Variants in SLC28A2 observed in about 807,000 individuals in gnomAD.
SLC28A2 encodes the protein solute carrier family 28 member 2.
Under a neutral mutation model 72.9 loss-of-function variants are expected in SLC28A2, and 69 were observed. The observed-to-expected ratio is 0.95, with a 90% CI of 0.78 to 1.16. The LOEUF (loss-of-function observed/expected upper bound fraction) is 1.16, where lower values mean the gene tolerates loss of function less well. Among genes scored for constraint, SLC28A2 ranks in the 50% most tolerant of loss-of-function variants. The pLI is 0.00. For synonymous variants in SLC28A2, 296 were observed against 294.1 expected (o/e 1.01, Z -0.07); for missense variants, 745 against 791.1 (o/e 0.94, Z 0.70).
At chr15:45,268,123 C>A (rs1900404655) in intron 12 of SLC28A2, 87 bp from the exon 13 acceptor site, 3 of 1,341,160 alleles carry the variant, frequency 2.2e-6, no homozygotes, top group Non-Finnish European at 3.1e-6. Flanking sequence ...CCTCCTCCTG[C>A]ACGATAGGGA....
At chr15:45,265,277 C>T (rs1900297319) in intron 8 of SLC28A2, 111 bp downstream of exon 8, 1 of 792,956 alleles carries the variant, frequency 1.3e-6, no homozygotes, top group Non-Finnish European at 2.3e-6. Context: ...CCAATTTGAC[C>T]CTAACAAGAG....
chr15:45,270,193 A>G lies in SLC28A2; in HGVS notation c.1567-2A>G. The stretch of plus-strand genomic sequence containing the variant: ...TTGCTTATTTATTTTTGTTTTCCCT[A>G]GGTGAGAGCTGAAATCATTACAACA... On this transcript the variant is annotated splice_acceptor_variant, in intron 14 of 17. Coordinates refer to ENST00000347644, the MANE Select transcript of SLC28A2 (RefSeq NM_004212.4). LOFTEE classifies it high-confidence loss of function. 6.2e-7 allele frequency: 1 copy of G among 1,608,672 alleles called. No individual in the cohort carries two copies. Among genetic ancestry groups the G allele is most frequent in the Non-Finnish European group, 8.5e-7 (1 of 1,175,034 alleles).
intron 3 of SLC28A2, chr15:45,255,489 G>A (rs1899949827): frequency 6.6e-6 from 1 of 152,114 alleles, no homozygotes; most frequent in African/African-American, 2.4e-5. Flanking sequence ...AAATGAGCAT[G>A]GCTGTGTTTT....
At position 45,263,149 on chromosome 15, in the gene SLC28A2, C is replaced by T; in HGVS notation, c.351C>T (p.Val117=). 1 of 1,614,004 alleles carries T rather than the reference C, an allele frequency of 6.2e-7. No homozygotes were observed. Among genetic ancestry groups the T allele is most frequent in the Non-Finnish European group, 8.5e-7 (1 of 1,179,932 alleles). ...LFVITCLVIF[V]LVHSFLKKLL... ...TCATCACCTGCTTGGTGATCTTTGTCCTGGTTCACTCGTTTTTGAAAAAGC... is the reference window on the plus strand; with the variant it reads ...TCATCACCTGCTTGGTGATCTTTGTTCTGGTTCACTCGTTTTTGAAAAAGC... The change falls in exon 5 of 18, where the codon GTC becomes GTT. Residue 117 remains valine (V), a synonymous_variant. Transcript: ENST00000347644.
intron 1 of SLC28A2, 87 bp from the exon 2 acceptor site, chr15:45,253,113 C>A: frequency 2.6e-6 from 2 of 774,990 alleles, no homozygotes; most frequent in South Asian, 1.7e-5. Context: ...TTGCGTTTTC[C>A]ATGGGTAACT....
intron 3 of SLC28A2, among the ~76,000 whole-genome samples, chr15:45,254,923 T>G (rs11629859): frequency 0.47 from 71,698 of 151,762 alleles, 20,590 homozygotes; most frequent in Non-Finnish European, 0.66. Context: ...ACATTGCTTG[T>G]GTCTATATTT....
chr15:45,269,376 G>A lies in SLC28A2; in HGVS notation c.1407G>A (p.Met469Ile). Residue 469 changes from methionine (M) to isoleucine (I), a missense_variant, in exon 14 of 18, where the codon ATG becomes ATA. Physicochemically the swap from Met to Ile is conservative, Grantham distance 10 (BLOSUM62 1). Transcript: ENST00000347644. The part of the protein sequence containing the change: ...CSYLLRPMVF[M>I]MGVEWTDCPM... ...ATCTCCTAAGGCCCATGGTTTTCAT[G>A]ATGGGTGTAGAGTGGACAGACTGTC... 1 of 1,614,004 alleles carries A rather than the reference G, an allele frequency of 6.2e-7. No individual in the cohort carries two copies. Among genetic ancestry groups the A allele is most frequent in the Non-Finnish European group, 8.5e-7 (1 of 1,179,938 alleles).
chr15:45,254,270 G>A (rs1176892479), intron 3 of SLC28A2, among the ~76,000 whole-genome samples: 2 of 152,090 alleles, frequency 1.3e-5, no homozygotes, highest in African/African-American at 4.8e-5. Context: ...AAGGGAATAC[G>A]GTCATGAGCT....
intron 3 of SLC28A2, among the ~76,000 whole-genome samples, chr15:45,254,845 G>C (rs1004597296): frequency 1.3e-5 from 2 of 151,990 alleles, no homozygotes; most frequent in Non-Finnish European, 2.9e-5. Flanking sequence ...TAAATTCTTT[G>C]TAAGTTTTTC....
Position 45,276,935 on chromosome 15 carries a change from TG to T in SLC28A2, c.*1423del, listed in dbSNP as rs1406471763. 4 of 151,732 alleles carry T rather than the reference TG, an allele frequency of 2.6e-5. No individual in the cohort carries two copies. Among genetic ancestry groups the T allele is most frequent in the African/African-American group, 9.7e-5 (4 of 41,246 alleles). The allele number at this position is 151,732 out of a possible 1,614,324, so 9.4% of individuals were successfully genotyped here. On this transcript the variant is annotated 3_prime_UTR_variant, in exon 18 of 18. Coordinates refer to ENST00000347644, the MANE Select transcript of SLC28A2 (RefSeq NM_004212.4). ...ATTCTGCTTTAGTGCTAGCCACATT[TG>T]CTCCAAGTTTATGGGGAAGCCTTTA...
intron 3 of SLC28A2, among the ~76,000 whole-genome samples, chr15:45,260,920 G>T (rs1900142323): frequency 6.6e-6 from 1 of 152,186 alleles, no homozygotes; most frequent in African/African-American, 2.4e-5. Context: ...GCTAACACAG[G>T]GTTGGGCTTC....
At chr15:45,253,660 T>TA (rs1899882269) in intron 3 of SLC28A2, 140 bp downstream of exon 3, 1 of 564,046 alleles carries the variant, frequency 1.8e-6, no homozygotes, top group Non-Finnish European at 3.2e-6. Flanking sequence ...TTAATTAACT[T>TA]AAACATGTGC....
In SLC28A2 at chr15:45,272,734, C is replaced by G. The variant is rs747989023; in HGVS notation, c.1809C>G (p.Phe603Leu). The change falls in exon 17 of 18, where the codon TTC becomes TTG. Residue 603 changes from phenylalanine to leucine, a missense_variant. Transcript: ENST00000347644. ...GTGTCTCCTTCCCAAACACAAGTTT[C>G]ACCAATAGAACCTATGAGACCTACA... The part of the protein sequence containing the change: ...ADCVSFPNTS[F>L]TNRTYETYMC... The G allele has an allele frequency of 1.2e-6, 2 of 1,613,240 alleles. No individual in the cohort carries two copies. Among genetic ancestry groups the G allele is most frequent in the Non-Finnish European group, 1.7e-6 (2 of 1,179,192 alleles).
intron 12 of SLC28A2, 139 bp from the exon 13 acceptor site, chr15:45,268,071 G>A (rs1278838842): frequency 5.0e-6 from 4 of 801,884 alleles, no homozygotes; most frequent in Non-Finnish European, 7.9e-6. Flanking sequence ...CACTAATAGG[G>A]TCACTGAGGA....
At chr15:45,252,775 A>G (rs552341794) in intron 1 of SLC28A2, among the ~76,000 whole-genome samples, 2 of 152,312 alleles carry the variant, frequency 1.3e-5, no homozygotes, top group East Asian at 1.9e-4. Context: ...GGTCTTCCCA[A>G]CTGCCTTCCT....
chr15:45,254,290 T>C (rs1020905449), intron 3 of SLC28A2, among the ~76,000 whole-genome samples: 2 of 152,190 alleles, frequency 1.3e-5, no homozygotes, highest in African/African-American at 4.8e-5. Context: ...TACATAATGA[T>C]GTTTCAGTCA....
chr15:45,270,673 G>A (rs1900525037), intron 15 of SLC28A2, among the ~76,000 whole-genome samples: 1 of 151,850 alleles, frequency 6.6e-6, no homozygotes, highest in Non-Finnish European at 1.5e-5. Context: ...TGTTGCGCAG[G>A]CTGGAGTGCA....
rs147014684 is a variant in SLC28A2 at position 45,266,157 on chromosome 15, G to C, written c.938G>C (p.Gly313Ala). The change falls in exon 10 of 18, where the codon GGT (glycine) becomes GCT (alanine). Residue 313 changes from glycine to alanine, a missense_variant. Transcript: ENST00000347644. ...TLAVAGNIFV[G>A]MTEAPLLIRP... ...GCTGTGGCAGGAAACATCTTTGTGG[G>C]TATGGTAAGCACCTTGAGGACTTTT... is the stretch of plus-strand genomic sequence containing the variant. 12 of 1,611,086 alleles carry C rather than the reference G, an allele frequency of 7.4e-6. No individual in the cohort carries two copies. The highest frequency in any genetic ancestry group is 1.7e-4 in the Middle Eastern group (1 of 6,056).
Position 45,266,061 on chromosome 15 carries a change from A to G in SLC28A2, c.862-20A>G, listed in dbSNP as rs749076625. ...AGATTCCTGCTAACATTAATGGTTT[A>G]GGTTTCTGTATTCTTCTAGGTCGCC... is the stretch of plus-strand genomic sequence containing the variant. On this transcript the variant is annotated intron_variant, in intron 9 of 17. Coordinates refer to ENST00000347644, the MANE Select transcript of SLC28A2 (RefSeq NM_004212.4). 10 of 1,544,774 alleles carry G rather than the reference A, an allele frequency of 6.5e-6. No individual in the cohort carries two copies. The highest frequency in any genetic ancestry group is 2.7e-6 in the Non-Finnish European group (3 of 1,117,046).
Sources: gnomAD v4.1 joint callset for allele counts (sites outside exome capture counted in the v4.1 genomes callset) on GRCh38, gnomAD v4.1.1 for gene constraint, MANE v1.5 for transcripts, NCBI Gene and HGNC (gene_info 2026-07-23, HGNC 2026-07-21) for gene names.